APH1B: variants seen among roughly 807,000 people sequenced by gnomAD.
APH1B encodes the protein gamma-secretase subunit APH-1B.
APH1B carries 27 observed loss-of-function variants against 28.2 expected under a neutral mutation model. That is an observed-to-expected ratio of 0.96 (90% CI 0.70 to 1.32). The LOEUF is 1.32. APH1B is among the 40% of genes most tolerant of loss of function. The probability of loss-of-function intolerance (pLI) is 0.00; values close to 1 mark genes in which losing one functional copy is unlikely to be tolerated. For synonymous variants in APH1B, 141 were observed against 124.6 expected, an observed-to-expected ratio of 1.13 and a Z score of -0.88; for missense variants, 305 against 313.6, an observed-to-expected ratio of 0.97 and a Z score of 0.21.
Position 63,279,251 on chromosome 15 carries a change from G to GAAAT in APH1B, c.206_209dup (p.Tyr70Ter). ...TTGACAACAAAGATGGACCAACACA[G>GAAAT]AAATATCTGCTGATCTTTGGAGCGT... On this transcript the variant is annotated frameshift_variant, in exon 2 of 6. Transcript: ENST00000261879. LOFTEE classifies it high-confidence loss of function. 6.2e-7 allele frequency: 1 copy of GAAAT among 1,613,274 alleles called. No individual in the cohort carries two copies. Among genetic ancestry groups the GAAAT allele is most frequent in the Non-Finnish European group, 8.5e-7 (1 of 1,179,406 alleles).
At chr15:63,277,835 T>C in intron 1 of APH1B, 99 bp downstream of exon 1, 2 of 1,189,270 alleles carry the variant, frequency 1.7e-6, no homozygotes, top group Admixed American at 2.3e-5. Flanking sequence ...CTCGACCTTG[T>C]TGCGTTTCAG....
Position 63,287,474 on chromosome 15 carries a change from AC to A in APH1B, c.409del (p.Leu137TyrfsTer26). The A allele has an allele frequency of 6.2e-7, 1 of 1,613,948 alleles. No individual in the cohort carries two copies. ...GAGTGGAGTATTTTCCTTTGTGAATACCCTATCTGACTCCTTGGGGCCAGGC... is the reference window on the plus strand; with the variant it reads ...GAGTGGAGTATTTTCCTTTGTGAATACCTATCTGACTCCTTGGGGCCAGGC... The part of the protein sequence containing the change: ...IMSGVFSFVN[T>X]LSDSLGPGTV... On this transcript the variant is annotated frameshift_variant, in exon 4 of 6. Coordinates refer to ENST00000261879, the MANE Select transcript of APH1B (RefSeq NM_031301.4). LOFTEE classifies it high-confidence loss of function.
intron 5 of APH1B, among the ~76,000 whole-genome samples, chr15:63,302,858 A>G (rs1315490363): frequency 1.3e-5 from 2 of 152,112 alleles, no homozygotes; most frequent in African/African-American, 4.8e-5. Flanking sequence ...ATTTTATTTA[A>G]TATAGTTTTT....
At position 63,279,183 on chromosome 15, in the gene APH1B, C is replaced by T. The variant is rs745795117; in HGVS notation, c.136C>T (p.Leu46=). 11 of 1,605,826 alleles carry T rather than the reference C, an allele frequency of 6.9e-6. No individual in the cohort carries two copies. The highest frequency in any genetic ancestry group is 1.7e-4 in the Middle Eastern group (1 of 6,024). ...CAGAGCTTTCTTCTGGTTGGTGTCTCTACTGATTTCGTCCCTTGTTTGGTT... is the reference window on the plus strand; with the variant it reads ...CAGAGCTTTCTTCTGGTTGGTGTCTTTACTGATTTCGTCCCTTGTTTGGTT... The part of the protein sequence containing the change: ...IAGAFFWLVS[L]LISSLVWFMA... Residue 46 remains leucine, a synonymous_variant, in exon 2 of 6, where the codon CTA becomes TTA. Coordinates refer to ENST00000261879, the MANE Select transcript of APH1B (RefSeq NM_031301.4).
chr15:63,281,760 CTTTT>C (rs534635408), intron 2 of APH1B, among the ~76,000 whole-genome samples: 1 of 142,352 alleles, frequency 7.0e-6, no homozygotes, highest in Non-Finnish European at 1.5e-5. Flanking sequence ...TATTGTTCCT[CTTTT>C]TTTTTTTTTA....
Position 63,304,337 on chromosome 15 carries a change from G to A in APH1B, c.607-1277G>A, listed in dbSNP as rs2038665041. On this transcript the variant is annotated intron_variant, in intron 5 of 5. Transcript: ENST00000261879. The surrounding 1 kb of genome is among the most constrained non-coding windows in gnomAD (Gnocchi z 5.1). Reference sequence around the variant, plus strand: ...TTTTCATCTAGGTGCTAGTTACACAGGTGTGTTCATGCTGGGAAAATAAGG... The same window carrying A: ...TTTTCATCTAGGTGCTAGTTACACAAGTGTGTTCATGCTGGGAAAATAAGG... Among the ~76,000 whole-genome samples the A allele has an allele frequency of 6.6e-6, 1 of 152,176 alleles. No individual in the cohort carries two copies.
chr15:63,281,611 C>G (rs1202841509), intron 2 of APH1B, among the ~76,000 whole-genome samples: 3 of 149,804 alleles, frequency 2.0e-5, no homozygotes, highest in Non-Finnish European at 3.0e-5. Context: ...TGTTCTAAAA[C>G]CTGAATTATC....
chr15:63,278,538 TAA>T (rs1030661257), intron 1 of APH1B, among the ~76,000 whole-genome samples: 8 of 152,218 alleles, frequency 5.3e-5, no homozygotes, highest in Non-Finnish European at 1.2e-4. Context: ...ATTTTAAAAA[TAA>T]TAGAGATTTG....
At chr15:63,289,838 AC>A (rs1306523631) in intron 4 of APH1B, among the ~76,000 whole-genome samples, 1 of 152,182 alleles carries the variant, frequency 6.6e-6, no homozygotes, top group Non-Finnish European at 1.5e-5. Flanking sequence ...CCTTGTCTCT[AC>A]TAAAAATTAA....
rs1595767207 is a variant in APH1B, at chr15:63,308,306, G to C, written c.*2525G>C. ...GAGACTGTGTTGCTCTCTAGTATAAGCTATATTTATTTTTGATTCATTTGA... is the reference window on the plus strand; with the variant it reads ...GAGACTGTGTTGCTCTCTAGTATAACCTATATTTATTTTTGATTCATTTGA... On this transcript the variant is annotated 3_prime_UTR_variant, in exon 6 of 6. Coordinates refer to ENST00000261879, the MANE Select transcript of APH1B (RefSeq NM_031301.4). 6.6e-6 allele frequency: 1 copy of C among 152,120 alleles called. No individual in the cohort carries two copies. Among genetic ancestry groups the C allele is most frequent in the East Asian group, 1.9e-4 (1 of 5,200 alleles). 9.4% of individuals were successfully genotyped at this position (152,120 alleles called of 1,614,324 possible).
rs900264191 is a variant in APH1B at position 63,279,468 on chromosome 15, C to A, written c.284+137C>A. 3.3e-5 allele frequency: 23 copies of A among 707,084 alleles called. No individual in the cohort carries two copies. In the East Asian group the frequency reaches 7.1e-4, roughly 22 times the overall value. The allele number at this position is 707,084 out of a possible 1,614,324, so 43.8% of individuals were successfully genotyped here. A position where few individuals can be genotyped will look rare whatever the true frequency, so the allele number is the denominator to read the frequency against. ...AGCCAAGAGATTGGTACATTTCCAG[C>A]CTGAAAATCTTGAGTGTTCTTTTAT... On this transcript the variant is annotated intron_variant, in intron 2 of 5. Coordinates refer to ENST00000261879, the MANE Select transcript of APH1B (RefSeq NM_031301.4).
intron 4 of APH1B, among the ~76,000 whole-genome samples, chr15:63,296,767 C>T (rs1312179215): frequency 1.3e-5 from 2 of 151,080 alleles, no homozygotes; most frequent in African/African-American, 4.9e-5. Context: ...GAGCGATTCT[C>T]CTGCCTCAGC....
intron 4 of APH1B, 108 bp from the exon 5 acceptor site, chr15:63,302,237 C>A: frequency 7.4e-7 from 1 of 1,354,824 alleles, no homozygotes; most frequent in Non-Finnish European, 9.9e-7. Flanking sequence ...TGGTGTTAAA[C>A]TCTCTTGCTG....
intron 4 of APH1B, among the ~76,000 whole-genome samples, chr15:63,294,213 G>C (rs1234648408): frequency 6.6e-6 from 1 of 151,776 alleles, no homozygotes; most frequent in Non-Finnish European, 1.5e-5. Flanking sequence ...ACATCATCCA[G>C]TATGGTATCA....
chr15:63,277,620 G>T lies in APH1B; in HGVS notation c.-4G>T. On this transcript the variant is annotated 5_prime_UTR_variant, in exon 1 of 6. Transcript: ENST00000261879. ...GGGCCCCCGGGTCGGTTTCCGCGGT[G>T]GCCATGACTGCGGCCGTGTTCTTCG... 2 of 1,574,312 alleles carry T rather than the reference G, an allele frequency of 1.3e-6. No individual in the cohort carries two copies. The highest frequency in any genetic ancestry group is 1.7e-6 in the Non-Finnish European group (2 of 1,161,106).
intron 2 of APH1B, among the ~76,000 whole-genome samples, chr15:63,280,889 C>G (rs2038378949): frequency 6.6e-6 from 1 of 152,194 alleles, no homozygotes; most frequent in Non-Finnish European, 1.5e-5. Context: ...TGGCTCATGC[C>G]TGTAACCCTG....
At chr15:63,305,579 G>A in intron 5 of APH1B, 35 bp from the exon 6 acceptor site, 1 of 1,604,806 alleles carries the variant, frequency 6.2e-7, no homozygotes, top group Non-Finnish European at 8.5e-7. Context: ...TAAGCTTGCT[G>A]TTATTACCCA....
At chr15:63,290,932 A>G (rs2038498912) in intron 4 of APH1B, among the ~76,000 whole-genome samples, 1 of 151,234 alleles carries the variant, frequency 6.6e-6, no homozygotes, top group Non-Finnish European at 1.5e-5. Context: ...AGGCAGGCAA[A>G]GAAAGGAGTT....
At chr15:63,287,253 C>CT in intron 3 of APH1B, 171 bp from the exon 4 acceptor site, 1 of 759,830 alleles carries the variant, frequency 1.3e-6, no homozygotes, top group Non-Finnish European at 2.0e-6. Flanking sequence ...GCTTCCCTCT[C>CT]TGATTCATCA....
Sources: allele counts gnomAD v4.1 joint callset (sites outside exome capture counted in the v4.1 genomes callset), GRCh38; gene constraint gnomAD v4.1.1; non-coding constraint Gnocchi (gnomAD v3.1); transcripts MANE v1.5; gene names NCBI Gene and HGNC (gene_info 2026-07-23, HGNC 2026-07-21).